PRR16: variants seen among roughly 807,000 people sequenced by gnomAD.
The protein encoded by PRR16 is proline rich 16, also known as protein Largen.
A neutral mutation model predicts 18.2 loss-of-function variants in PRR16; 6 were observed. The ratio of observed to expected loss-of-function variants is 0.33; its 90% CI spans 0.18 to 0.65. The LOEUF is 0.65. Among genes scored for constraint, PRR16 ranks in the 30% least tolerant of loss-of-function variants. The probability of loss-of-function intolerance (pLI) is 0.74; values close to 1 mark genes in which losing one functional copy is unlikely to be tolerated. For synonymous variants in PRR16, 151 were observed against 147.8 expected, an observed-to-expected ratio of 1.02 and a Z score of -0.16; for missense variants, 412 against 376.6, an observed-to-expected ratio of 1.09 and a Z score of -0.78.
the PRR16 span, among the ~76,000 whole-genome samples, chr5:120,761,948 C>T: frequency 6.6e-6 from 1 of 152,134 alleles, no homozygotes; most frequent in South Asian, 2.1e-4. Flanking sequence ...TTTTTACCTC[C>T]CATATATGAG....
At chr5:120,741,368 T>C in the PRR16 span, among the ~76,000 whole-genome samples, 2 of 152,068 alleles carry the variant, frequency 1.3e-5, no homozygotes, top group African/African-American at 4.8e-5. Context: ...AACCCAGCTT[T>C]CTTTCATAAT....
At chr5:120,579,630 G>A (rs1206814993) in intron 1 of PRR16, among the ~76,000 whole-genome samples, 10 of 151,490 alleles carry the variant, frequency 6.6e-5, no homozygotes, top group Admixed American at 6.6e-4. Context: ...TTGGTATCAG[G>A]ACCATGGTGT....
intron 1 of PRR16, among the ~76,000 whole-genome samples, chr5:120,667,281 C>A (rs1280025213): frequency 1.3e-5 from 2 of 151,640 alleles, no homozygotes. Flanking sequence ...GTTTGTATTT[C>A]TGTGGGATCA....
the PRR16 span, among the ~76,000 whole-genome samples, chr5:120,694,413 G>A: frequency 1.3e-5 from 2 of 152,132 alleles, no homozygotes; most frequent in East Asian, 1.9e-4. Flanking sequence ...GGCCGGGCGC[G>A]GTGGCTCACG....
chr5:120,553,113 A>G (rs1752305277), intron 1 of PRR16, among the ~76,000 whole-genome samples: 1 of 151,890 alleles, frequency 6.6e-6, no homozygotes, highest in Admixed American at 6.6e-5. Flanking sequence ...AAAATTCTAC[A>G]TGGATTTATT....
intron 1 of PRR16, among the ~76,000 whole-genome samples, chr5:120,595,096 A>G (rs1458331233): frequency 6.6e-6 from 1 of 152,156 alleles, no homozygotes; most frequent in Non-Finnish European, 1.5e-5. Context: ...ATTGCAACAA[A>G]AGCAAAAATT....
chr5:120,678,998 A>G (rs1157496527), intron 1 of PRR16, among the ~76,000 whole-genome samples: 1 of 152,182 alleles, frequency 6.6e-6, no homozygotes, highest in East Asian at 1.9e-4. Flanking sequence ...ATGTGAAAAT[A>G]TTGAGATTGA....
chr5:120,707,268 C>G, the PRR16 span, among the ~76,000 whole-genome samples: 1 of 152,126 alleles, frequency 6.6e-6, no homozygotes, highest in African/African-American at 2.4e-5. Context: ...TCTAGTCTCC[C>G]AGCTATTACA....
At chr5:120,552,334 G>A (rs1476255406) in intron 1 of PRR16, among the ~76,000 whole-genome samples, 7 of 151,496 alleles carry the variant, frequency 4.6e-5, no homozygotes, top group Non-Finnish European at 1.0e-4. Context: ...ACGTTTGCTG[G>A]GATTATCATA....
chr5:120,700,514 T>C, the PRR16 span, among the ~76,000 whole-genome samples: 1 of 151,962 alleles, frequency 6.6e-6, no homozygotes, highest in Non-Finnish European at 1.5e-5. Flanking sequence ...ATAGCTGTAG[T>C]CCAGGAATAG....
the PRR16 span, among the ~76,000 whole-genome samples, chr5:120,780,113 CAAAAA>C: frequency 6.6e-6 from 1 of 152,126 alleles, no homozygotes; most frequent in African/African-American, 2.4e-5. Context: ...AACTGAGTCT[CAAAAA>C]CTATCTTGTA....
intron 1 of PRR16, among the ~76,000 whole-genome samples, chr5:120,662,305 G>C (rs1201526735): frequency 6.6e-6 from 1 of 152,020 alleles, no homozygotes; most frequent in Non-Finnish European, 1.5e-5. Flanking sequence ...AGGTCTGTGT[G>C]AGAAATATCT....
At chr5:120,785,405 C>T in the PRR16 span, among the ~76,000 whole-genome samples, 1 of 151,868 alleles carries the variant, frequency 6.6e-6, no homozygotes, top group East Asian at 1.9e-4. Flanking sequence ...CATCATGACG[C>T]CTTATTTCAG....
At chr5:120,662,714 A>C (rs1413096563) in intron 1 of PRR16, among the ~76,000 whole-genome samples, 1 of 152,132 alleles carries the variant, frequency 6.6e-6, no homozygotes, top group East Asian at 1.9e-4. Context: ...GGACCTGAAA[A>C]GTGTGGTAAC....
intron 1 of PRR16, among the ~76,000 whole-genome samples, chr5:120,588,111 G>A (rs1332029598): frequency 2.6e-5 from 4 of 152,114 alleles, no homozygotes; most frequent in African/African-American, 9.7e-5. Context: ...TAACTGAATT[G>A]CTGCAATTTT....
At chr5:120,656,000 TAGAC>T (rs903622870) in intron 1 of PRR16, among the ~76,000 whole-genome samples, 2 of 151,850 alleles carry the variant, frequency 1.3e-5, no homozygotes, top group Admixed American at 6.6e-5. Context: ...TTTTATATTT[TAGAC>T]AGAGCATGCA....
chr5:120,776,187 C>T, the PRR16 span, among the ~76,000 whole-genome samples: 1 of 152,172 alleles, frequency 6.6e-6, no homozygotes, highest in African/African-American at 2.4e-5. Context: ...CCTACTTTGC[C>T]TCAGTGATTT....
intron 1 of PRR16, among the ~76,000 whole-genome samples, chr5:120,487,395 T>C (rs1342239241): frequency 6.6e-6 from 1 of 152,208 alleles, no homozygotes; most frequent in Admixed American, 6.5e-5. Context: ...AGGTATTTTA[T>C]TCTCTTTGAA....
At chr5:120,591,034 C>A (rs1753617907) in intron 1 of PRR16, among the ~76,000 whole-genome samples, 1 of 151,880 alleles carries the variant, frequency 6.6e-6, no homozygotes, top group African/African-American at 2.4e-5. Flanking sequence ...AATCCCAGCA[C>A]TTTGGGAGGC....
Sources: gnomAD v4.1 joint callset for allele counts (sites outside exome capture counted in the v4.1 genomes callset) on GRCh38, gnomAD v4.1.1 for gene constraint, MANE v1.5 for transcripts, NCBI Gene and HGNC (gene_info 2026-07-23, HGNC 2026-07-21) for gene names.